The following LMLN variants were observed in gnomAD, a reference collection of about 807,000 sequenced individuals.
The protein encoded by LMLN is leishmanolysin like peptidase, also known as leishmanolysin-like peptidase.
Under a neutral mutation model 92.3 loss-of-function variants are expected in LMLN, and 70 were observed. The ratio of observed to expected loss-of-function variants is 0.76; its 90% CI spans 0.63 to 0.92. The LOEUF (loss-of-function observed/expected upper bound fraction) is 0.92. Among genes scored for constraint, LMLN ranks in the 40% least tolerant of loss-of-function variants. The probability of loss-of-function intolerance (pLI) is 0.00; values close to 1 mark genes in which losing one functional copy is unlikely to be tolerated. For synonymous variants in LMLN, 308 were observed against 296.2 expected (o/e 1.04, Z -0.41); for missense variants, 691 against 814.6 (o/e 0.85, Z 1.85).
chr3:198,026,170 G>A (rs921401228), intron 14 of LMLN, among the ~76,000 whole-genome samples: 5 of 151,990 alleles, frequency 3.3e-5, no homozygotes, highest in Non-Finnish European at 2.9e-5. Context: ...TACTCAGGCT[G>A]GTCTTGAACT....
intron 1 of LMLN, among the ~76,000 whole-genome samples, chr3:197,967,440 G>A (rs926051726): frequency 5.3e-5 from 8 of 152,180 alleles, no homozygotes. Flanking sequence ...AAAAGGGGAG[G>A]GGGTGTACGA....
intron 12 of LMLN, among the ~76,000 whole-genome samples, chr3:198,020,141 G>A (rs1581174548): frequency 6.6e-6 from 1 of 152,194 alleles, no homozygotes; most frequent in African/African-American, 2.4e-5. Flanking sequence ...GATTACAGGT[G>A]TGAGCCAACA....
chr3:198,033,406 A>AT (rs11374155), intron 14 of LMLN, among the ~76,000 whole-genome samples: 69,202 of 151,494 alleles, frequency 0.46, 19,137 homozygotes, highest in African/African-American at 0.79. Flanking sequence ...TTATAAAAAA[A>AT]ATTATTATTT....
chr3:197,986,168 A>C (rs193214767), intron 8 of LMLN, among the ~76,000 whole-genome samples: 1 of 152,338 alleles, frequency 6.6e-6, no homozygotes, highest in Non-Finnish European at 1.5e-5. Context: ...CCTCAAAAGC[A>C]TCAAACCTTC....
intron 1 of LMLN, among the ~76,000 whole-genome samples, chr3:197,964,456 A>T (rs1720994191): frequency 6.7e-6 from 1 of 148,584 alleles, no homozygotes; most frequent in Non-Finnish European, 1.5e-5. Context: ...GCTGGAGTGC[A>T]GTGGCGCAAT....
At chr3:197,998,049 A>G (rs1017836641) in intron 10 of LMLN, among the ~76,000 whole-genome samples, 1 of 152,236 alleles carries the variant, frequency 6.6e-6, no homozygotes, top group Non-Finnish European at 1.5e-5. Flanking sequence ...GAAGGAATAC[A>G]CAGCGTGCCA....
chr3:198,027,901 G>A (rs1232729947), intron 14 of LMLN, among the ~76,000 whole-genome samples: 1 of 152,110 alleles, frequency 6.6e-6, no homozygotes, highest in Admixed American at 6.5e-5. Context: ...GCAATTCTAT[G>A]TTTAGCTTTT....
intron 8 of LMLN, among the ~76,000 whole-genome samples, chr3:197,987,380 C>T (rs955430211): frequency 5.3e-5 from 8 of 150,412 alleles, no homozygotes; most frequent in Admixed American, 1.3e-4. Flanking sequence ...AGGATGATCT[C>T]GATCTGCTGA....
At chr3:197,996,832 T>C (rs1722032560) in intron 10 of LMLN, among the ~76,000 whole-genome samples, 1 of 152,120 alleles carries the variant, frequency 6.6e-6, no homozygotes. Flanking sequence ...GCTGCAGCTA[T>C]TCACATGCAT....
intron 11 of LMLN, among the ~76,000 whole-genome samples, chr3:198,005,935 A>G (rs1722281728): frequency 3.9e-5 from 6 of 152,004 alleles, no homozygotes; most frequent in Admixed American, 3.9e-4. Flanking sequence ...TGGCCAACAT[A>G]GTGAAACCCC....
intron 9 of LMLN, among the ~76,000 whole-genome samples, chr3:197,992,914 CA>C (rs1451272397): frequency 2.0e-5 from 3 of 152,098 alleles, no homozygotes; most frequent in Non-Finnish European, 4.4e-5. Flanking sequence ...AATTCTATAA[CA>C]TGTTAAATAG....
chr3:197,960,935 G>C (rs1223822956), intron 1 of LMLN, among the ~76,000 whole-genome samples: 1 of 152,144 alleles, frequency 6.6e-6, no homozygotes, highest in Admixed American at 6.6e-5. Flanking sequence ...GCTCACTGGA[G>C]ACAAAATTCA....
chr3:198,026,715 A>G (rs895260128), intron 14 of LMLN, among the ~76,000 whole-genome samples: 3 of 152,134 alleles, frequency 2.0e-5, no homozygotes, highest in Admixed American at 6.5e-5. Flanking sequence ...CTTTTAATGG[A>G]GTATGGTGTT....
rs1721832471 is a variant in LMLN at position 197,990,408 on chromosome 3, G to A, written c.930-151G>A. 9 of 455,070 alleles carry A rather than the reference G, an allele frequency of 2.0e-5. No homozygotes were observed. The Admixed American group carries it at 2.8e-4, about 14-fold the overall frequency. 28.2% of individuals were successfully genotyped at this position (455,070 alleles called of 1,614,324 possible). A position where few individuals can be genotyped will look rare whatever the true frequency, so the allele number is the denominator to read the frequency against. Reference sequence around the variant, plus strand: ...ATGTAGAAAGGAAAATACTTATCAAGTACTTTGTTTGGACTTGATACATAG... The same window carrying A: ...ATGTAGAAAGGAAAATACTTATCAAATACTTTGTTTGGACTTGATACATAG... On this transcript the variant is annotated intron_variant, in intron 8 of 15. Coordinates refer to ENST00000330198, the Ensembl canonical transcript of LMLN.
In LMLN at chr3:198,025,758, C is replaced by T. The variant is rs1050886424; in HGVS notation, c.1656+970C>T. On this transcript the variant is annotated intron_variant, in intron 14 of 15. Coordinates refer to ENST00000330198, the Ensembl canonical transcript of LMLN. This position sits in a 1 kb window ranked among gnomAD's most constrained non-coding sequence, Gnocchi z 4.3. ...TTATAAAGATGTAGCCATTCTGTGACTTAGGAGCATCCAATGGAATGAATC... is the reference window on the plus strand; with the variant it reads ...TTATAAAGATGTAGCCATTCTGTGATTTAGGAGCATCCAATGGAATGAATC... Among the ~76,000 whole-genome samples, 5 of 152,202 alleles carry T rather than the reference C, an allele frequency of 3.3e-5. No individual in the cohort carries two copies. The highest frequency in any genetic ancestry group is 7.3e-5 in the Non-Finnish European group (5 of 68,036).
intron 11 of LMLN, among the ~76,000 whole-genome samples, chr3:198,008,831 ACT>A (rs1391075924): frequency 1.9e-4 from 29 of 151,706 alleles, no homozygotes; most frequent in African/African-American, 7.0e-4. Flanking sequence ...TTAATTCAAA[ACT>A]CTTGTGTCAC....
At chr3:198,040,285 TC>T (rs1431730296) in exon 16 of LMLN, 4 of 152,358 alleles carry the variant, frequency 2.6e-5, no homozygotes, top group African/African-American at 9.6e-5. Flanking sequence ...GCTTTAAATA[TC>T]CTTTACCTTC....
intron 8 of LMLN, among the ~76,000 whole-genome samples, chr3:197,987,124 G>A (rs1721731988): frequency 1.3e-5 from 2 of 149,140 alleles, no homozygotes; most frequent in Admixed American, 1.3e-4. Context: ...ACAGGCATGA[G>A]CCACCGCACC....
intron 1 of LMLN, among the ~76,000 whole-genome samples, chr3:197,960,824 G>A (rs1356240559): frequency 6.6e-6 from 1 of 152,166 alleles, no homozygotes; most frequent in Non-Finnish European, 1.5e-5. Flanking sequence ...GCTGGTTGGT[G>A]AGATATGCTT....
Sources: allele counts gnomAD v4.1 joint callset (sites outside exome capture counted in the v4.1 genomes callset), GRCh38; gene constraint gnomAD v4.1.1; non-coding constraint Gnocchi (gnomAD v3.1); transcripts MANE v1.5; gene names NCBI Gene and HGNC (gene_info 2026-07-23, HGNC 2026-07-21).